The following DPYD variants were observed in gnomAD, a reference collection of about 807,000 sequenced individuals.
DPYD encodes dihydropyrimidine dehydrogenase.
Under a neutral mutation model 116.2 loss-of-function variants are expected in DPYD, and 109 were observed. The ratio of observed to expected loss-of-function variants is 0.94; its 90% confidence interval spans 0.80 to 1.10. The LOEUF (loss-of-function observed/expected upper bound fraction) is 1.10. DPYD is among the 50% of genes least tolerant of loss of function. The pLI, the probability that DPYD is intolerant of heterozygous loss-of-function variation, is 0.00. For synonymous variants in DPYD, 440 were observed against 432.0 expected, an observed-to-expected ratio of 1.02 and a Z score of -0.23; for missense variants, 1,302 against 1,254.5, an observed-to-expected ratio of 1.04 and a Z score of -0.57.
chr1:97,127,659 G>T (rs929914755), intron 20 of DPYD, among the ~76,000 whole-genome samples: 5 of 152,052 alleles, frequency 3.3e-5, no homozygotes, highest in East Asian at 1.9e-4. Flanking sequence ...CCAACAATTA[G>T]TTTCTGCAGT....
Position 97,563,452 on chromosome 1 carries a change from T to G in DPYD, c.1339+10308A>C, listed in dbSNP as rs577781353. Among the ~76,000 whole-genome samples, 14 of 152,314 alleles carry G rather than the reference T, an allele frequency of 9.2e-5. No individual in the cohort carries two copies. The East Asian group carries it at 1.7e-3, about 19-fold the overall frequency. On this transcript the variant is annotated intron_variant, in intron 11 of 22. Coordinates refer to ENST00000370192, the MANE Select transcript of DPYD (RefSeq NM_000110.4). The stretch of plus-strand genomic sequence containing the variant: ...TATGATTTCTGTTCTCTGAAACAAT[T>G]ACGTTATTTTTTCCCATTTTCTACC...
intron 1 of DPYD, among the ~76,000 whole-genome samples, chr1:97,885,824 C>G (rs751231793): frequency 4.6e-5 from 7 of 152,028 alleles, no homozygotes; most frequent in Non-Finnish European, 5.9e-5. Context: ...ATTTAAAAGT[C>G]ACTTTTTGAG....
chr1:97,679,280 CTA>C, intron 7 of DPYD, 98 bp from the exon 8 acceptor site: 1 of 632,442 alleles, frequency 1.6e-6, no homozygotes, highest in Non-Finnish European at 2.8e-6. Flanking sequence ...GCCAAAAATT[CTA>C]TGAGATTCCA....
chr1:97,564,657 T>C (rs369234802), intron 11 of DPYD, among the ~76,000 whole-genome samples: 16 of 152,148 alleles, frequency 1.1e-4, no homozygotes, highest in Admixed American at 9.8e-4. Flanking sequence ...CTGTCAGCAC[T>C]ATAAACACCT....
intron 16 of DPYD, among the ~76,000 whole-genome samples, chr1:97,332,769 C>T (rs937023112): frequency 6.6e-6 from 1 of 152,056 alleles, no homozygotes; most frequent in African/African-American, 2.4e-5. Context: ...TTGAAAAACA[C>T]AAAAGAGGCT....
chr1:97,209,002 G>A lies in DPYD; in HGVS notation c.2443-15754C>T, dbSNP rs570241568. 8.5e-5 allele frequency among the ~76,000 whole-genome samples: 13 copies of A among 152,128 alleles called. No homozygotes were observed. The East Asian group carries it at 2.5e-3, about 29-fold the overall frequency. ...CCATATTGACTAATTTCTAAGATGA[G>A]TTGCTCCATTGAGCTCCAGGACCAA... On this transcript the variant is annotated intron_variant, in intron 19 of 22. Transcript: ENST00000370192.
At chr1:97,631,880 C>T (rs544562086) in intron 8 of DPYD, among the ~76,000 whole-genome samples, 108 of 151,962 alleles carry the variant, frequency 7.1e-4, no homozygotes, top group Non-Finnish European at 1.3e-3. Flanking sequence ...TTATGGATGA[C>T]ACAGTTATAG....
At position 97,450,056 on chromosome 1, in the gene DPYD, T is replaced by C. The variant is rs762420899; in HGVS notation, c.1905+3A>G. The C allele has an allele frequency of 3.1e-6, 5 of 1,613,734 alleles. No homozygotes were observed. The East Asian group carries it at 8.9e-5, about 29-fold the overall frequency. On this transcript the variant is annotated splice_donor_region_variant and intron_variant, in intron 14 of 22. Coordinates refer to ENST00000370192, the MANE Select transcript of DPYD (RefSeq NM_000110.4). ...CTTGTTTTAGATGTTAAATCACACTTACGTTGTCTGGAAAGTCAGCCTTTA... is the reference window on the plus strand; with the variant it reads ...CTTGTTTTAGATGTTAAATCACACTCACGTTGTCTGGAAAGTCAGCCTTTA...
chr1:97,508,885 G>A (rs1227384579), intron 13 of DPYD, among the ~76,000 whole-genome samples: 3 of 151,888 alleles, frequency 2.0e-5, no homozygotes, highest in African/African-American at 7.3e-5. Flanking sequence ...TCCGAGCCTT[G>A]GCATCAAGAG....
chr1:97,478,853 C>T (rs1678143534), intron 13 of DPYD, among the ~76,000 whole-genome samples: 1 of 152,212 alleles, frequency 6.6e-6, no homozygotes, highest in African/African-American at 2.4e-5. Flanking sequence ...CTCACTGCAG[C>T]TTCTACATCA....
At chr1:97,191,047 G>GAC (rs1376146756) in intron 20 of DPYD, among the ~76,000 whole-genome samples, 1 of 150,858 alleles carries the variant, frequency 6.6e-6, no homozygotes, top group Non-Finnish European at 1.5e-5. Flanking sequence ...TATATGCAAA[G>GAC]ACACACACAC....
At chr1:97,338,563 C>T (rs1313290553) in intron 16 of DPYD, among the ~76,000 whole-genome samples, 1 of 152,108 alleles carries the variant, frequency 6.6e-6, no homozygotes, top group Non-Finnish European at 1.5e-5. Flanking sequence ...TTGCCTCATG[C>T]GGCTGGTAGG....
chr1:97,329,656 T>C (rs1367482877), intron 16 of DPYD, among the ~76,000 whole-genome samples: 1 of 149,696 alleles, frequency 6.7e-6, no homozygotes, highest in Non-Finnish European at 1.5e-5. Flanking sequence ...GGGAAGCTGA[T>C]GCAAGAGAAT....
intron 10 of DPYD, among the ~76,000 whole-genome samples, chr1:97,582,494 C>T (rs865968902): frequency 6.6e-6 from 1 of 152,136 alleles, no homozygotes; most frequent in Non-Finnish European, 1.5e-5. Context: ...ATCTCATATT[C>T]TTTAATTTAC....
At chr1:97,673,047 A>C (rs72975792) in intron 8 of DPYD, among the ~76,000 whole-genome samples, 8 of 152,276 alleles carry the variant, frequency 5.3e-5, no homozygotes, top group African/African-American at 1.9e-4. Flanking sequence ...GCTGAAATGT[A>C]GACAGAGTCA....
chr1:97,878,575 CAT>C, intron 2 of DPYD, among the ~76,000 whole-genome samples: 1 of 152,090 alleles, frequency 6.6e-6, no homozygotes, highest in South Asian at 2.1e-4. Context: ...ACTCCCAAAT[CAT>C]ATGTGTTTTA....
At chr1:97,870,904 G>A (rs1671623435) in intron 2 of DPYD, among the ~76,000 whole-genome samples, 1 of 151,814 alleles carries the variant, frequency 6.6e-6, no homozygotes. Flanking sequence ...ATTAGTGTTT[G>A]AATAGGGGAA....
intron 2 of DPYD, among the ~76,000 whole-genome samples, chr1:97,833,350 A>G (rs1669622862): frequency 6.6e-6 from 1 of 152,190 alleles, no homozygotes; most frequent in Non-Finnish European, 1.5e-5. Context: ...GAAGGTAAAT[A>G]AGACAAGACT....
chr1:97,118,795 T>C (rs564917652), intron 20 of DPYD, among the ~76,000 whole-genome samples: 38 of 151,988 alleles, frequency 2.5e-4, no homozygotes, highest in Non-Finnish European at 4.7e-4. Context: ...CTAAGTTTTA[T>C]AATCACATTT....
Sources: gnomAD v4.1 joint callset for allele counts (sites outside exome capture counted in the v4.1 genomes callset) on GRCh38, gnomAD v4.1.1 for gene constraint, MANE v1.5 for transcripts, NCBI Gene and HGNC (gene_info 2026-07-23, HGNC 2026-07-21) for gene names.